Variants in TRANK1 observed in about 807,000 individuals in gnomAD.
TRANK1 encodes TPR and ankyrin repeat-containing protein 1.
Under a neutral mutation model 266.0 loss-of-function variants are expected in TRANK1, and 198 were observed. That is an observed-to-expected ratio of 0.74 (90% CI 0.66 to 0.84). TRANK1 has a LOEUF of 0.84. Ranked by LOEUF, TRANK1 falls within the 40% of genes least tolerant of loss-of-function variation. The pLI, the probability that TRANK1 is intolerant of heterozygous loss-of-function variation, is 0.00. For missense variants in TRANK1, 3,326 were observed against 3,634.6 expected (o/e 0.92, Z 2.18); for synonymous variants, 1,396 against 1,384.1 (o/e 1.01, Z -0.19).
At chr3:36,905,157 A>G (rs1289025660) in intron 2 of TRANK1, among the ~76,000 whole-genome samples, 1 of 151,914 alleles carries the variant, frequency 6.6e-6, no homozygotes, top group Non-Finnish European at 1.5e-5. Flanking sequence ...GCGTGGTGGC[A>G]GGTGCCTGTA....
chr3:36,899,077 C>G (rs2079836649), intron 4 of TRANK1, 32 bp downstream of exon 4: 1 of 1,535,026 alleles, frequency 6.5e-7, no homozygotes, highest in Admixed American at 2.0e-5. Context: ...ATAGCAAGGA[C>G]TTTACAAAAA....
intron 1 of TRANK1, among the ~76,000 whole-genome samples, chr3:36,938,947 G>A (rs144185129): frequency 0.028 from 4,218 of 151,330 alleles, 202 homozygotes; most frequent in African/African-American, 0.097. Context: ...GCAACAGAGC[G>A]AGAATCCGTC....
intron 17 of TRANK1, among the ~76,000 whole-genome samples, chr3:36,843,133 C>G (rs934358069): frequency 1.3e-5 from 2 of 152,188 alleles, no homozygotes; most frequent in Non-Finnish European, 1.5e-5. Context: ...TTTAGGCCAT[C>G]TAGTCTGTAG....
At chr3:36,878,860 C>T (rs751701628) in intron 8 of TRANK1, among the ~76,000 whole-genome samples, 1 of 151,254 alleles carries the variant, frequency 6.6e-6, no homozygotes, top group African/African-American at 2.4e-5. Context: ...TTAATTAAAA[C>T]GTACTAGGAT....
chr3:36,854,089 G>C (rs541776110), intron 13 of TRANK1, among the ~76,000 whole-genome samples: 2 of 152,256 alleles, frequency 1.3e-5, no homozygotes, highest in East Asian at 3.9e-4. Context: ...GGCTGGGCAC[G>C]AGGGCTCACG....
chr3:36,832,413 C>T lies in TRANK1; in HGVS notation c.7170G>A (p.Leu2390=), dbSNP rs769006137. 15 of 1,614,002 alleles carry T rather than the reference C, an allele frequency of 9.3e-6. No individual in the cohort carries two copies. Among genetic ancestry groups the T allele is most frequent in the Non-Finnish European group, 1.3e-5 (15 of 1,179,896 alleles). The change falls in exon 22 of 24, where the codon CTG becomes CTA. Residue 2390 remains leucine (L), a synonymous_variant. Transcript: ENST00000645898. ...TATTTTCATCATCCCTGTTGGGTGC[C>T]AGCATGCCAAATTTCCCTTCTATTC... ...IKGIEGKFGM[L]APNRDDENMD...
At chr3:36,858,561 C>T (rs2079090745) in intron 12 of TRANK1, among the ~76,000 whole-genome samples, 157 bp downstream of exon 12, 1 of 152,184 alleles carries the variant, frequency 6.6e-6, no homozygotes, top group East Asian at 1.9e-4. Flanking sequence ...CATTATGCTA[C>T]AAGTGAGGGG....
At chr3:36,898,449 C>A (rs1475281987) in intron 4 of TRANK1, among the ~76,000 whole-genome samples, 2 of 150,456 alleles carry the variant, frequency 1.3e-5, no homozygotes, top group Admixed American at 6.6e-5. Context: ...AAATCCATCT[C>A]AAACAAAAAA....
Position 36,831,804 on chromosome 3 carries a change from C to T in TRANK1, c.7779G>A (p.Glu2593=), listed in dbSNP as rs1304359811. The T allele has an allele frequency of 6.2e-7, 1 of 1,613,970 alleles. No individual in the cohort carries two copies. The highest frequency in any genetic ancestry group is 1.1e-5 in the South Asian group (1 of 91,078). Residue 2593 remains glutamate (E), a synonymous_variant, in exon 22 of 24, where the codon GAG becomes GAA. Transcript: ENST00000645898. The surrounding 1 kb of genome is among the most constrained non-coding windows in gnomAD (Gnocchi z 5.0). ...CCATGCTCATGAGCTGCAGCCTTGA[C>T]TCAATCTCCCGGAAGTGGCGATACA... ...PLLYRHFREI[E]SRLQLMSMDC...
At chr3:36,868,916 G>C (rs2079265569) in intron 9 of TRANK1, among the ~76,000 whole-genome samples, 1 of 152,162 alleles carries the variant, frequency 6.6e-6, no homozygotes, top group Non-Finnish European at 1.5e-5. Context: ...GACTCGAAAA[G>C]GCCAAGAACT....
rs2079071442 is a variant in TRANK1 at position 36,857,348 on chromosome 3, G to A, written c.2374C>T (p.Gln792Ter). Reference protein sequence around the residue: ...DCSEVGEGHAQVGLGALQLVP... With the variant: ...DCSEVGEGHA The stretch of plus-strand genomic sequence containing the variant: ...AGCTGCAAGGCCCCAAGGCCCACCT[G>A]AGCATGTCCTTCCCCCACCTCACTA... The change falls in exon 13 of 24, where the codon CAG (glutamine) becomes TAG (stop). Residue 792 changes from glutamine (Q) to a stop codon, truncating the protein, a stop_gained. Coordinates refer to ENST00000645898, the MANE Select transcript of TRANK1 (RefSeq NM_001329998.2). LOFTEE classifies it high-confidence loss of function. The surrounding 1 kb of genome is among the most constrained non-coding windows in gnomAD (Gnocchi z 4.3). 1 of 1,607,118 alleles carries A rather than the reference G, an allele frequency of 6.2e-7. No individual in the cohort carries two copies. The highest frequency in any genetic ancestry group is 8.5e-7 in the Non-Finnish European group (1 of 1,176,834).
intron 22 of TRANK1, 142 bp from the exon 23 acceptor site, chr3:36,829,804 A>G: frequency 1.3e-6 from 1 of 789,546 alleles, no homozygotes; most frequent in Non-Finnish European, 2.0e-6. Context: ...CGGGTAAGGG[A>G]CCCAAAGCTG....
intron 14 of TRANK1, 26 bp downstream of exon 14, chr3:36,852,120 A>G: frequency 6.5e-7 from 1 of 1,550,382 alleles, no homozygotes; most frequent in Non-Finnish European, 8.7e-7. Context: ...CTTTTATTTC[A>G]AAACATAAAA....
chr3:36,901,742 G>A (rs564710995), intron 3 of TRANK1, among the ~76,000 whole-genome samples: 1 of 152,186 alleles, frequency 6.6e-6, no homozygotes, highest in African/African-American at 2.4e-5. Context: ...GATGGAGAGA[G>A]ACTCCCAGGA....
At chr3:36,920,512 A>G (rs1257827975) in intron 1 of TRANK1, among the ~76,000 whole-genome samples, 1 of 152,048 alleles carries the variant, frequency 6.6e-6, no homozygotes, top group East Asian at 1.9e-4. Context: ...ACTTAAAAAG[A>G]TGTTTATTGG....
chr3:36,863,470 AGT>A (rs1190360168), intron 10 of TRANK1, among the ~76,000 whole-genome samples: 1 of 152,188 alleles, frequency 6.6e-6, no homozygotes. Context: ...CCCATCCTAG[AGT>A]GTGTGTAACA....
At chr3:36,842,924 C>A (rs2078867476) in intron 17 of TRANK1, among the ~76,000 whole-genome samples, 1 of 152,168 alleles carries the variant, frequency 6.6e-6, no homozygotes, top group South Asian at 2.1e-4. Context: ...GGCCCCTCAT[C>A]CAATCTCACT....
chr3:36,921,564 A>G (rs1235996739), intron 1 of TRANK1, among the ~76,000 whole-genome samples: 1 of 152,150 alleles, frequency 6.6e-6, no homozygotes, highest in African/African-American at 2.4e-5. Flanking sequence ...GAAGGTTGCT[A>G]TAACTCCAGG....
At chr3:36,847,476 C>A in intron 15 of TRANK1, 130 bp from the exon 16 acceptor site, 1 of 916,548 alleles carries the variant, frequency 1.1e-6, no homozygotes, top group Non-Finnish European at 1.6e-6. Flanking sequence ...TGAGAAAGAT[C>A]CATCCTGTGA....
Sources: gnomAD v4.1 joint callset for allele counts (sites outside exome capture counted in the v4.1 genomes callset) on GRCh38, gnomAD v4.1.1 for gene constraint, Gnocchi (gnomAD v3.1) non-coding constraint, MANE v1.5 for transcripts, NCBI Gene and HGNC (gene_info 2026-07-23, HGNC 2026-07-21) for gene names.